Variants in TUBB8B observed in about 807,000 individuals in gnomAD.
TUBB8B encodes HSA18p11 beta-tubulin 4Q pseudogene.
A neutral mutation model predicts 31.9 loss-of-function variants in TUBB8B; 26 were observed. That is an observed-to-expected ratio of 0.81 (90% confidence interval 0.60 to 1.13). The LOEUF (loss-of-function observed/expected upper bound fraction) is 1.13. Ranked by LOEUF, TUBB8B falls within the 50% of genes most tolerant of loss-of-function variation. The probability of loss-of-function intolerance (pLI) is 0.00; values close to 1 mark genes in which losing one functional copy is unlikely to be tolerated. For missense variants in TUBB8B, 467 were observed against 586.7 expected (o/e 0.80, Z 2.11); for synonymous variants, 173 against 231.0 (o/e 0.75, Z 2.28).
chr18:72,194 A>AC, the TUBB8B span, among the ~76,000 whole-genome samples: 5 of 78,248 alleles, frequency 6.4e-5, no homozygotes, highest in African/African-American at 2.6e-4. Context: ...AAAAAAAAAA[A>AC]AAAAAGGAAA....
chr18:55,652 G>T, the TUBB8B span, among the ~76,000 whole-genome samples: 1 of 151,686 alleles, frequency 6.6e-6, no homozygotes, highest in Admixed American at 6.6e-5. Context: ...CTTCTACCAA[G>T]TCTCTCCCTC....
the TUBB8B span, among the ~76,000 whole-genome samples, chr18:59,402 G>T: frequency 2.6e-5 from 4 of 151,496 alleles, no homozygotes; most frequent in South Asian, 8.4e-4. Context: ...TACTAGCTGG[G>T]GGTCTGTCAT....
chr18:54,322 G>A (rs529001115), upstream of TUBB8B, among the ~76,000 whole-genome samples: 16 of 151,718 alleles, frequency 1.1e-4, 2 homozygotes, highest in African/African-American at 3.6e-4. Flanking sequence ...GGCATGTAAC[G>A]AGTAATACAT....
At chr18:63,113 T>A in the TUBB8B span, among the ~76,000 whole-genome samples, 1 of 151,856 alleles carries the variant, frequency 6.6e-6, no homozygotes, top group African/African-American at 2.4e-5. Context: ...TATCTCTATT[T>A]TTCCAGGATT....
At chr18:68,694 T>C in the TUBB8B span, among the ~76,000 whole-genome samples, 1 of 152,134 alleles carries the variant, frequency 6.6e-6, no homozygotes, top group Non-Finnish European at 1.5e-5. Context: ...AGGTTCACAA[T>C]GTCACTCTCT....
chr18:49,656 T>G (rs1373982767), upstream of TUBB8B: 21 of 716,044 alleles, frequency 2.9e-5, no homozygotes, highest in South Asian at 1.8e-4. Context: ...TAGCCCCGCG[T>G]CCACCTCCCT....
Position 47,899 on chromosome 18 carries a change from G to A in TUBB8B, c.826C>T (p.Arg276Trp), listed in dbSNP as rs550771025. Residue 276 changes from arginine to tryptophan, a missense_variant, in exon 4 of 4, where the codon CGG becomes TGG. Physicochemically the swap from Arg to Trp is moderately radical, Grantham distance 101 (BLOSUM62 -3). Transcript: ENST00000308911. ...FMPGFAPLTS[R>W]GSQQYRALTV... The stretch of plus-strand genomic sequence containing the variant: ...AAGGCCCGGTACTGCTGGCTGCCCC[G>A]GCTGGTCAGTGGGGCAAAGCCGGGC... 55 of 1,611,210 alleles carry A rather than the reference G, an allele frequency of 3.4e-5. No homozygotes were observed. The highest frequency in any genetic ancestry group is 4.4e-5 in the Non-Finnish European group (52 of 1,179,682).
At chr18:60,388 TTTG>T in the TUBB8B span, among the ~76,000 whole-genome samples, 1 of 151,754 alleles carries the variant, frequency 6.6e-6, no homozygotes, top group Non-Finnish European at 1.5e-5. Flanking sequence ...TGTCTAAATA[TTTG>T]TTAATTGTTT....
At chr18:52,041 C>G (rs796433095), upstream of TUBB8B, among the ~76,000 whole-genome samples, 2,418 of 113,970 alleles carry the variant, frequency 0.021, no homozygotes, top group African/African-American at 0.053. Context: ...AATAAGGCCT[C>G]ACACTTTCAT....
chr18:62,510 T>C, the TUBB8B span, among the ~76,000 whole-genome samples: 1 of 151,098 alleles, frequency 6.6e-6, no homozygotes, highest in Admixed American at 6.6e-5. Context: ...GCTCCGCCTC[T>C]TGGGTTCACG....
the TUBB8B span, among the ~76,000 whole-genome samples, chr18:64,500 G>A: frequency 5.9e-5 from 9 of 151,926 alleles, no homozygotes; most frequent in East Asian, 3.9e-4. Flanking sequence ...AGAAGTGAGC[G>A]ATCACTTGAG....
the TUBB8B span, among the ~76,000 whole-genome samples, chr18:63,360 C>T: frequency 1.3e-5 from 2 of 151,710 alleles, no homozygotes; most frequent in Non-Finnish European, 2.9e-5. Context: ...GCTGTGGTGG[C>T]CTTGGATTAA....
At chr18:57,273 C>A in the TUBB8B span, among the ~76,000 whole-genome samples, 2 of 151,602 alleles carry the variant, frequency 1.3e-5, no homozygotes, top group Non-Finnish European at 2.9e-5. Flanking sequence ...TTTATTCTTC[C>A]TATAAGCTTG....
the TUBB8B span, among the ~76,000 whole-genome samples, chr18:59,527 A>G: frequency 1.3e-5 from 2 of 149,106 alleles, no homozygotes; most frequent in East Asian, 3.9e-4. Context: ...AAATGATTAT[A>G]TGGATTTTGT....
chr18:48,587 C>G (rs1382365840), intron 3 of TUBB8B, 140 bp from the exon 4 acceptor site: 9 of 738,660 alleles, frequency 1.2e-5, no homozygotes, highest in Non-Finnish European at 1.9e-5. Flanking sequence ...GAAACTCCCT[C>G]CTCCAGAGTT....
chr18:67,998 G>A, the TUBB8B span, among the ~76,000 whole-genome samples: 2 of 152,108 alleles, frequency 1.3e-5, no homozygotes, highest in African/African-American at 2.4e-5. Context: ...TAAGACTCAC[G>A]TGACACCCTC....
Position 47,751 on chromosome 18 carries a change from T to G in TUBB8B, c.974A>C (p.Glu325Ala), listed in dbSNP as rs1568382163. 6.2e-7 allele frequency: 1 copy of G among 1,610,920 alleles called. No individual in the cohort carries two copies. Among genetic ancestry groups the G allele is most frequent in the Non-Finnish European group, 8.5e-7 (1 of 1,178,820 alleles). ...AATGTTGAACATTTGTTCATCCACCTCCCTCATGGGCATGCGACCCCTGAA... is the reference window on the plus strand; with the variant it reads ...AATGTTGAACATTTGTTCATCCACCGCCCTCATGGGCATGCGACCCCTGAA... ...AIFRGRMPMR[E>A]VDEQMFNIQD... The change falls in exon 4 of 4, where the codon GAG becomes GCG. Residue 325 changes from glutamate (E) to alanine (A), a missense_variant. Coordinates refer to ENST00000308911, the MANE Select transcript of TUBB8B (RefSeq NM_001358689.2).
chr18:56,609 T>C, the TUBB8B span, among the ~76,000 whole-genome samples: 2 of 152,060 alleles, frequency 1.3e-5, no homozygotes, highest in South Asian at 4.2e-4. Context: ...TTTGAATTCT[T>C]TTGCAGTTTG....
At chr18:59,450 A>G in the TUBB8B span, among the ~76,000 whole-genome samples, 2 of 151,506 alleles carry the variant, frequency 1.3e-5, no homozygotes, top group Non-Finnish European at 2.9e-5. Flanking sequence ...TTCATTCCAT[A>G]CCAGTTTTCA....
Sources: gnomAD v4.1 joint callset for allele counts (sites outside exome capture counted in the v4.1 genomes callset) on GRCh38, gnomAD v4.1.1 for gene constraint, MANE v1.5 for transcripts, NCBI Gene and HGNC (gene_info 2026-07-23, HGNC 2026-07-21) for gene names.